Variants in TMEM236 observed in about 807,000 individuals in gnomAD.
TMEM236 encodes the protein transmembrane protein 236, also known as family with sequence similarity 23, member A.
Under a neutral mutation model 14.7 loss-of-function variants are expected in TMEM236, and 11 were observed. The observed-to-expected ratio is 0.75, with a 90% CI of 0.47 to 1.24. The LOEUF is 1.24. TMEM236 is among the 50% of genes most tolerant of loss of function. The probability of loss-of-function intolerance (pLI) is 0.00; values close to 1 mark genes in which losing one functional copy is unlikely to be tolerated. For synonymous variants in TMEM236, 182 were observed against 168.6 expected, an observed-to-expected ratio of 1.08 and a Z score of -0.62; for missense variants, 464 against 427.3, an observed-to-expected ratio of 1.09 and a Z score of -0.76.
intron 1 of TMEM236, among the ~76,000 whole-genome samples, chr10:17,756,039 G>T (rs1385431914): frequency 6.6e-6 from 1 of 152,168 alleles, no homozygotes; most frequent in African/African-American, 2.4e-5. Context: ...GGCCAAGGTG[G>T]GAGGATTGAT....
chr10:17,761,555 G>A (rs1286684060), intron 1 of TMEM236, among the ~76,000 whole-genome samples: 26 of 152,034 alleles, frequency 1.7e-4, no homozygotes, highest in Admixed American at 1.7e-3. Context: ...TTAGCTGGGT[G>A]TGGTGGCTCA....
At chr10:17,774,644 ATTCT>A (rs1221866040) in intron 2 of TMEM236, among the ~76,000 whole-genome samples, 57 of 152,278 alleles carry the variant, frequency 3.7e-4, no homozygotes, top group African/African-American at 1.3e-3. Flanking sequence ...TTCCTAGCTT[ATTCT>A]TTTTCTTCCA....
intron 3 of TMEM236, among the ~76,000 whole-genome samples, chr10:17,786,202 G>A (rs1188324228): frequency 2.6e-5 from 4 of 152,126 alleles, no homozygotes; most frequent in Non-Finnish European, 5.9e-5. Context: ...GGGAATAAAA[G>A]AATTCAGCAT....
At chr10:17,756,456 C>G (rs1015968458) in intron 1 of TMEM236, among the ~76,000 whole-genome samples, 17 of 152,126 alleles carry the variant, frequency 1.1e-4, no homozygotes, top group Non-Finnish European at 1.9e-4. Flanking sequence ...CGACCACACC[C>G]GACTAATTTT....
rs1200390662 is a variant in TMEM236, at chr10:17,774,752, A to G, written c.331-1277A>G. ...AACAGTGGTTGAAGTTGCATTGAAT[A>G]GTATCATTTTTCCTTCCTTCCTCCC... On this transcript the variant is annotated intron_variant, in intron 2 of 3. Coordinates refer to ENST00000377495, the MANE Select transcript of TMEM236 (RefSeq NM_001098844.3). Among the ~76,000 whole-genome samples the G allele has an allele frequency of 4.0e-5, 6 of 151,652 alleles. No homozygotes were observed. The East Asian group carries it at 1.2e-3, about 29-fold the overall frequency.
At chr10:17,761,227 G>A (rs1837357486) in intron 1 of TMEM236, among the ~76,000 whole-genome samples, 2 of 152,082 alleles carry the variant, frequency 1.3e-5, no homozygotes, top group East Asian at 1.9e-4. Flanking sequence ...CAAATCCAGT[G>A]TCAGACCTGA....
chr10:17,798,586 A>G lies in TMEM236; in HGVS notation c.*2082A>G. On this transcript the variant is annotated 3_prime_UTR_variant, in exon 4 of 4. Transcript: ENST00000377495. The stretch of plus-strand genomic sequence containing the variant: ...GTTGTGTTATTCTACGCTCCACCAA[A>G]TACCTCTCCCCTTGCCACCCTGTCT... 1.9e-6 allele frequency: 1 copy of G among 534,286 alleles called. No individual in the cohort carries two copies. The highest frequency in any genetic ancestry group is 3.8e-6 in the Non-Finnish European group (1 of 259,886). The allele number at this position is 534,286 out of a possible 1,614,324, so 33.1% of individuals were successfully genotyped here. A position where few individuals can be genotyped will look rare whatever the true frequency, so the allele number is the denominator to read the frequency against.
intron 3 of TMEM236, among the ~76,000 whole-genome samples, chr10:17,782,839 A>T (rs1837775376): frequency 6.6e-6 from 1 of 152,192 alleles, no homozygotes; most frequent in Non-Finnish European, 1.5e-5. Flanking sequence ...TATCTAGCAG[A>T]TCCCCAGTTG....
chr10:17,757,064 C>T (rs985623605), intron 1 of TMEM236, among the ~76,000 whole-genome samples: 1 of 152,204 alleles, frequency 6.6e-6, no homozygotes, highest in African/African-American at 2.4e-5. Flanking sequence ...GACAGGTTAT[C>T]TGTAATTTCA....
At chr10:17,764,703 G>GGTT (rs1175221127) in intron 1 of TMEM236, among the ~76,000 whole-genome samples, 1 of 152,072 alleles carries the variant, frequency 6.6e-6, no homozygotes, top group Non-Finnish European at 1.5e-5. Context: ...GGCTGTTGGT[G>GGTT]GTTGCTGGCA....
intron 1 of TMEM236, among the ~76,000 whole-genome samples, chr10:17,753,218 A>G (rs1837234867): frequency 6.6e-6 from 1 of 152,150 alleles, no homozygotes; most frequent in Non-Finnish European, 1.5e-5. Context: ...TTAGCAGGGA[A>G]TCCCCGTGAT....
chr10:17,775,531 C>A (rs1473601923), intron 2 of TMEM236, among the ~76,000 whole-genome samples: 1 of 152,224 alleles, frequency 6.6e-6, no homozygotes, highest in Non-Finnish European at 1.5e-5. Flanking sequence ...ACCTCAGCCC[C>A]GCAAAGTGCT....
chr10:17,770,566 G>T (rs1371266392), intron 1 of TMEM236, among the ~76,000 whole-genome samples: 1 of 152,114 alleles, frequency 6.6e-6, no homozygotes, highest in Non-Finnish European at 1.5e-5. Flanking sequence ...TGTATTTTTA[G>T]TAGAGACAGG....
chr10:17,762,764 C>A (rs959133023), intron 1 of TMEM236, among the ~76,000 whole-genome samples: 1 of 151,204 alleles, frequency 6.6e-6, no homozygotes, highest in Non-Finnish European at 1.5e-5. Flanking sequence ...ACTTCCCAGG[C>A]TCAAGTGATC....
chr10:17,767,332 G>C (rs1426311240), intron 1 of TMEM236, among the ~76,000 whole-genome samples: 1 of 152,106 alleles, frequency 6.6e-6, no homozygotes, highest in African/African-American at 2.4e-5. Context: ...GTGGTGGCAT[G>C]TGCCTGTGAT....
At chr10:17,777,243 G>A (rs1016595464) in intron 3 of TMEM236, among the ~76,000 whole-genome samples, 5 of 152,096 alleles carry the variant, frequency 3.3e-5, no homozygotes, top group African/African-American at 4.8e-5. Flanking sequence ...CTTCATCCTC[G>A]GGTGGGAGAT....
intron 3 of TMEM236, among the ~76,000 whole-genome samples, chr10:17,787,508 A>G (rs1837857451): frequency 6.6e-6 from 1 of 152,218 alleles, no homozygotes; most frequent in Admixed American, 6.5e-5. Flanking sequence ...AACCAGAGTC[A>G]ATGGCTGGGC....
intron 1 of TMEM236, among the ~76,000 whole-genome samples, chr10:17,760,672 A>G (rs957130958): frequency 6.6e-6 from 1 of 152,184 alleles, no homozygotes; most frequent in Non-Finnish European, 1.5e-5. Context: ...CATGCTGGTA[A>G]TAAAGACATA....
At chr10:17,774,798 TTC>T (rs781848506) in intron 2 of TMEM236, among the ~76,000 whole-genome samples, 3,410 of 141,956 alleles carry the variant, frequency 0.024, 126 homozygotes, top group African/African-American at 0.082. Flanking sequence ...CCTACCTCCT[TTC>T]TCTCTCTCTC....
Sources: gnomAD v4.1 joint callset for allele counts (sites outside exome capture counted in the v4.1 genomes callset) on GRCh38, gnomAD v4.1.1 for gene constraint, MANE v1.5 for transcripts, NCBI Gene and HGNC (gene_info 2026-07-23, HGNC 2026-07-21) for gene names.